FMN1: variants seen among roughly 807,000 people sequenced by gnomAD.
FMN1 encodes formin 1, also known as formin-1.
In FMN1, 110 loss-of-function variants were observed where a neutral mutation model predicts 132.4. The ratio of observed to expected loss-of-function variants is 0.83; its 90% CI spans 0.71 to 0.97. FMN1 has a LOEUF of 0.97. FMN1 is among the 50% of genes least tolerant of loss of function. The pLI, the probability that FMN1 is intolerant of heterozygous loss-of-function variation, is 0.00. For missense variants in FMN1, 1,792 were observed against 1,705.3 expected (o/e 1.05, Z -0.90); for synonymous variants, 722 against 651.7 (o/e 1.11, Z -1.64).
Position 33,045,823 on chromosome 15 carries a change from GA to G in FMN1, c.2161+19133del, listed in dbSNP as rs967691818. Among the ~76,000 whole-genome samples, 210 of 151,948 alleles carry G rather than the reference GA, an allele frequency of 1.4e-3. 1 individual carries two copies. Among genetic ancestry groups the G allele is most frequent in the African/African-American group, 4.5e-3 (185 of 41,466 alleles). ...TCATTTTTCGTGCACATGTAGGTAG[GA>G]AAAAAAATCATTGGCTAAATTAATC... On this transcript the variant is annotated intron_variant, in intron 6 of 20. Coordinates refer to ENST00000616417, the MANE Select transcript of FMN1 (RefSeq NM_001277313.2).
At position 33,125,612 on chromosome 15, in the gene FMN1, G is replaced by C. The variant is rs529257604; in HGVS notation, c.1867+27436C>G. ...CCCAGCACTTCGGAAGGCCAAGGCG[G>C]GCAGATCACTTGAGGTCAGGAATTC... On this transcript the variant is annotated intron_variant, in intron 4 of 20. Coordinates refer to ENST00000616417, the MANE Select transcript of FMN1 (RefSeq NM_001277313.2). 2.6e-5 allele frequency among the ~76,000 whole-genome samples: 4 copies of C among 152,178 alleles called. 1 individual carries two copies. The South Asian group carries it at 6.2e-4, about 24-fold the overall frequency.
chr15:32,925,423 G>A (rs1194742799), intron 10 of FMN1, among the ~76,000 whole-genome samples: 1 of 152,118 alleles, frequency 6.6e-6, no homozygotes, highest in Admixed American at 6.5e-5. Context: ...TAGAAAACAG[G>A]GGACAGGGGA....
chr15:32,781,774 CATCTCTTTA>C (rs1241017295), intron 19 of FMN1, among the ~76,000 whole-genome samples: 1 of 152,208 alleles, frequency 6.6e-6, no homozygotes, highest in Non-Finnish European at 1.5e-5. Context: ...TCAATTTCCT[CATCTCTTTA>C]AAGTGTGAAT....
intron 19 of FMN1, among the ~76,000 whole-genome samples, chr15:32,792,830 T>C (rs952868241): frequency 1.1e-4 from 16 of 152,262 alleles, no homozygotes; most frequent in African/African-American, 1.2e-4. Context: ...CCCTTACACG[T>C]TGGGAATAAG....
chr15:32,871,144 A>G (rs1481565397), intron 16 of FMN1, among the ~76,000 whole-genome samples: 2 of 152,222 alleles, frequency 1.3e-5, no homozygotes, highest in Non-Finnish European at 2.9e-5. Context: ...GGAGGAGAGC[A>G]GCGACTAACT....
chr15:33,129,036 C>T (rs909568256), intron 4 of FMN1, among the ~76,000 whole-genome samples: 1 of 133,086 alleles, frequency 7.5e-6, no homozygotes, highest in East Asian at 2.1e-4. Context: ...ATTTACAATC[C>T]TCTAGCTAGA....
chr15:33,121,610 C>T (rs574224429), intron 4 of FMN1, among the ~76,000 whole-genome samples: 1 of 152,124 alleles, frequency 6.6e-6, no homozygotes, highest in Non-Finnish European at 1.5e-5. Flanking sequence ...CTCACTGCAA[C>T]CTCCACCTCC....
chr15:33,067,429 A>G (rs1566885483), intron 5 of FMN1: 4 of 1,614,008 alleles, frequency 2.5e-6, no homozygotes, highest in Non-Finnish European at 3.4e-6. Flanking sequence ...CCTGGCCACC[A>G]TCATCAGAGT....
At position 33,116,050 on chromosome 15, in the gene FMN1, T is replaced by G. The variant is rs527939751; in HGVS notation, c.1868-27076A>C. Among the ~76,000 whole-genome samples, 5 of 152,318 alleles carry G rather than the reference T, an allele frequency of 3.3e-5. No homozygotes were observed. The South Asian group carries it at 1.0e-3, about 32-fold the overall frequency. On this transcript the variant is annotated intron_variant, in intron 4 of 20. Transcript: ENST00000616417. ...ACTGTAATCACTCACCTTAAAGGTA[T>G]ATCCAGAAAGACTATAGAGATCCAA...
chr15:32,917,779 T>C (rs1026452577), intron 10 of FMN1, among the ~76,000 whole-genome samples: 1 of 152,098 alleles, frequency 6.6e-6, no homozygotes, highest in Non-Finnish European at 1.5e-5. Flanking sequence ...CTAAAAAAAG[T>C]TTCAATGAAT....
intron 4 of FMN1, among the ~76,000 whole-genome samples, chr15:33,112,461 C>G (rs1271281008): frequency 6.6e-6 from 1 of 152,102 alleles, no homozygotes; most frequent in Non-Finnish European, 1.5e-5. Context: ...CTCCATTAAA[C>G]AAGTACTAAG....
At chr15:32,904,154 T>C (rs758219231) in intron 12 of FMN1, among the ~76,000 whole-genome samples, 1 of 152,022 alleles carries the variant, frequency 6.6e-6, no homozygotes, top group South Asian at 2.1e-4. Context: ...TGTGAATGAG[T>C]GCTCTCGGTG....
At chr15:33,128,294 C>T (rs1041288497) in intron 4 of FMN1, among the ~76,000 whole-genome samples, 4 of 152,214 alleles carry the variant, frequency 2.6e-5, no homozygotes, top group African/African-American at 9.7e-5. Flanking sequence ...GGAATTTGAA[C>T]ATGGCTGCTG....
intron 4 of FMN1, among the ~76,000 whole-genome samples, chr15:33,142,571 C>A (rs550182372): frequency 1.3e-5 from 2 of 152,312 alleles, no homozygotes; most frequent in South Asian, 4.1e-4. Flanking sequence ...ATCCCATAAC[C>A]CATCTGTAAA....
chr15:32,900,222 G>T, intron 13 of FMN1, 97 bp from the exon 14 acceptor site: 1 of 1,328,982 alleles, frequency 7.5e-7, no homozygotes, highest in Non-Finnish European at 1.1e-6. Flanking sequence ...TAGGCTGTCG[G>T]GAGGCTTGGT....
chr15:32,939,313 G>A (rs1234711830), intron 9 of FMN1, among the ~76,000 whole-genome samples: 1 of 152,034 alleles, frequency 6.6e-6, no homozygotes, highest in Non-Finnish European at 1.5e-5. Flanking sequence ...TCCTTACCCA[G>A]ATATATACCC....
At chr15:32,839,208 G>T (rs917696043) in intron 17 of FMN1, among the ~76,000 whole-genome samples, 2 of 152,110 alleles carry the variant, frequency 1.3e-5, no homozygotes, top group Admixed American at 1.3e-4. Flanking sequence ...CGGGTCTACC[G>T]CTTTCTGCAC....
chr15:32,896,441 C>A lies in FMN1; in HGVS notation c.3714+2393G>T, dbSNP rs574494456. 1.2e-3 allele frequency among the ~76,000 whole-genome samples: 187 copies of A among 151,994 alleles called. 1 individual carries two copies. The East Asian group carries it at 0.014, about 12-fold the overall frequency. ...TGTGGTAAAAAACAAACAAAAAAAA[C>A]CCCCTATAACATGATATCTGTTCTC... On this transcript the variant is annotated intron_variant, in intron 15 of 20. Coordinates refer to ENST00000616417, the MANE Select transcript of FMN1 (RefSeq NM_001277313.2).
Position 32,894,392 on chromosome 15 carries a change from G to A in FMN1, c.3714+4442C>T, listed in dbSNP as rs556800849. Among the ~76,000 whole-genome samples the A allele has an allele frequency of 2.3e-4, 35 of 151,960 alleles. No homozygotes were observed. In the East Asian group the frequency reaches 2.5e-3, roughly 11 times the overall value. On this transcript the variant is annotated intron_variant, in intron 15 of 20. Coordinates refer to ENST00000616417, the MANE Select transcript of FMN1 (RefSeq NM_001277313.2). Reference sequence around the variant, plus strand: ...CCAGCTACTTGGAAGGCTGAGGCACGAGAATTGCTTGAACCTGGGTGGCGG... The same window carrying A: ...CCAGCTACTTGGAAGGCTGAGGCACAAGAATTGCTTGAACCTGGGTGGCGG...
Sources: allele counts gnomAD v4.1 joint callset (sites outside exome capture counted in the v4.1 genomes callset), GRCh38; gene constraint gnomAD v4.1.1; transcripts MANE v1.5; gene names NCBI Gene and HGNC (gene_info 2026-07-23, HGNC 2026-07-21).